Variants in BAP1 observed in about 807,000 individuals in gnomAD.
BAP1 encodes ubiquitin carboxyl-terminal hydrolase BAP1.
Under a neutral mutation model 77.2 loss-of-function variants are expected in BAP1, and 16 were observed. That is an observed-to-expected ratio of 0.21 (90% CI 0.14 to 0.31). BAP1 has a LOEUF of 0.31. Ranked by LOEUF, BAP1 falls within the 10% of genes least tolerant of loss-of-function variation. BAP1 has a pLI of 1.00. For missense variants in BAP1, 699 were observed against 967.3 expected (o/e 0.72, Z 3.68); for synonymous variants, 362 against 385.2 (o/e 0.94, Z 0.71).
chr3:52,408,168 C>A, intron 4 of BAP1, 91 bp from the exon 5 acceptor site: 1 of 1,542,702 alleles, frequency 6.5e-7, no homozygotes, highest in South Asian at 1.2e-5. Flanking sequence ...CAGAGCAGGT[C>A]AGTCATATCT....
chr3:52,404,383 C>T (rs1325003603), intron 12 of BAP1, 70 bp downstream of exon 12: 3 of 1,611,508 alleles, frequency 1.9e-6, no homozygotes, highest in Non-Finnish European at 2.5e-6. Flanking sequence ...CATTCTCAGA[C>T]ACAGACTGAG....
Position 52,403,598 on chromosome 3 carries a change from G to A in BAP1, c.1547C>T (p.Pro516Leu), listed in dbSNP as rs755719248. The change falls in exon 13 of 17, where the codon CCG becomes CTG. Residue 516 changes from proline (P) to leucine (L), a missense_variant. Physicochemically the swap from Pro to Leu is moderately conservative, Grantham distance 98. Around this residue, in one of 3 missense-constraint regions of BAP1, gnomAD observed 475 missense variants for 532.4 expected, o/e 0.89. Coordinates refer to ENST00000460680, the MANE Select transcript of BAP1 (RefSeq NM_004656.4). This position sits in a 1 kb window ranked among gnomAD's most constrained non-coding sequence, Gnocchi z 4.0. ...PLRSPIRSAN[P>L]TRPSSPVTSH... The stretch of plus-strand genomic sequence containing the variant: ...GGTGACAGGGCTGGAGGGCCGCGTC[G>A]GGTTGGCTGAGCGGATAGGCGAGCG... 28 of 1,614,052 alleles carry A rather than the reference G, an allele frequency of 1.7e-5. No individual in the cohort carries two copies. Among genetic ancestry groups the A allele is most frequent in the East Asian group, 2.2e-5 (1 of 44,900 alleles).
At chr3:52,409,414 CTCAGAGAGCAAGGCT>C in intron 3 of BAP1, 125 bp downstream of exon 3, 1 of 1,183,134 alleles carries the variant, frequency 8.5e-7, no homozygotes, top group South Asian at 1.2e-5. Context: ...GGAGCGGGCA[CTCAGAGAGCAAGGCT>C]GCTGCTTTCT....
rs2153226378 is a variant in BAP1, at chr3:52,402,923, C to T, written c.1891-52G>A. 6.2e-7 allele frequency: 1 copy of T among 1,613,034 alleles called. No homozygotes were observed. Among genetic ancestry groups the T allele is most frequent in the Non-Finnish European group, 8.5e-7 (1 of 1,180,012 alleles). On this transcript the variant is annotated intron_variant, in intron 14 of 16. Coordinates refer to ENST00000460680, the MANE Select transcript of BAP1 (RefSeq NM_004656.4). The surrounding 1 kb of genome is among the most constrained non-coding windows in gnomAD (Gnocchi z 5.3). Reference sequence around the variant, plus strand: ...GATCGGGGCGGGCCAGCAACAAAGCCCCACGAGCAATAGGCAGCTAGAGGC... The same window carrying T: ...GATCGGGGCGGGCCAGCAACAAAGCTCCACGAGCAATAGGCAGCTAGAGGC...
Position 52,407,967 on chromosome 3 carries a change from G to A in BAP1, c.366C>T (p.Phe122=), listed in dbSNP as rs17849500. ...AGGCACTGCAGCCTACCTCAGGGCTGAAACCCTTGGTGAAGTCCTTCATGC... is the reference window on the plus strand; with the variant it reads ...AGGCACTGCAGCCTACCTCAGGGCTAAAACCCTTGGTGAAGTCCTTCATGC... ...LSRMKDFTKG[F]SPESKGYAIG... Residue 122 remains phenylalanine (F), a synonymous_variant, in exon 5 of 17, where the codon TTC becomes TTT. Coordinates refer to ENST00000460680, the MANE Select transcript of BAP1 (RefSeq NM_004656.4). 6.2e-7 allele frequency: 1 copy of A among 1,613,854 alleles called. No individual in the cohort carries two copies. The highest frequency in any genetic ancestry group is 8.5e-7 in the Non-Finnish European group (1 of 1,179,994).
Position 52,406,975 on chromosome 3 carries a change from A to G in BAP1, c.581-68T>C, listed in dbSNP as rs748129020. ...GAGTTTGGGCAGGCCAGGAGTGGGA[A>G]GGAAGACAGAGAAGAGCAGTTGAGC... On this transcript the variant is annotated intron_variant, in intron 7 of 16. Coordinates refer to ENST00000460680, the MANE Select transcript of BAP1 (RefSeq NM_004656.4). This position sits in a 1 kb window ranked among gnomAD's most constrained non-coding sequence, Gnocchi z 4.6. 2.1e-5 allele frequency: 32 copies of G among 1,521,492 alleles called. No homozygotes were observed. Among genetic ancestry groups the G allele is most frequent in the Admixed American group, 3.9e-5 (2 of 51,174 alleles). 94.2% of individuals were successfully genotyped at this position (1,521,492 alleles called of 1,614,324 possible).
intron 4 of BAP1, among the ~76,000 whole-genome samples, 163 bp from the exon 5 acceptor site, chr3:52,408,240 C>T (rs868467197): frequency 7.9e-5 from 12 of 152,202 alleles, no homozygotes; most frequent in Admixed American, 2.0e-4. Context: ...TAACAAGCAC[C>T]TACCAAATAC....
chr3:52,402,480 C>T lies in BAP1; in HGVS notation c.2057-59G>A, dbSNP rs114897676. Reference sequence around the variant, plus strand: ...GGCTGCCTCAGGCCAGGAGCTGAGGCTCTCATGGCCCTCCCTGTGCCCCAA... The same window carrying T: ...GGCTGCCTCAGGCCAGGAGCTGAGGTTCTCATGGCCCTCCCTGTGCCCCAA... On this transcript the variant is annotated intron_variant, in intron 16 of 16. Transcript: ENST00000460680. The surrounding 1 kb of genome is among the most constrained non-coding windows in gnomAD (Gnocchi z 5.3). The T allele has an allele frequency of 1.9e-3, 3,004 of 1,591,040 alleles. 48 individuals carry two copies. The African/African-American group carries it at 0.037, about 19-fold the overall frequency.
In BAP1 at chr3:52,402,514, C is replaced by T. The variant is rs1704993775; in HGVS notation, c.2056+88G>A. On this transcript the variant is annotated intron_variant, in intron 16 of 16. Coordinates refer to ENST00000460680, the MANE Select transcript of BAP1 (RefSeq NM_004656.4). The surrounding 1 kb of genome is among the most constrained non-coding windows in gnomAD (Gnocchi z 5.3). ...CCCTCCCTGTGCCCCAAGGTCTGCT[C>T]AAGCCTCAGGAGAGGCCAGGGGAGG... 3.1e-6 allele frequency: 5 copies of T among 1,609,522 alleles called. No individual in the cohort carries two copies. Among genetic ancestry groups the T allele is most frequent in the Non-Finnish European group, 4.2e-6 (5 of 1,177,788 alleles).
rs866819752 is a variant in BAP1, at chr3:52,406,166, C to T, written c.783+87G>A. On this transcript the variant is annotated intron_variant, in intron 9 of 16. Transcript: ENST00000460680. The surrounding 1 kb of genome is among the most constrained non-coding windows in gnomAD (Gnocchi z 4.6). ...CCAGATCTACAAGAGAGTATGTTCACGAATCAGAGACAAATGCTGTGGGGG... is the reference window on the plus strand; with the variant it reads ...CCAGATCTACAAGAGAGTATGTTCATGAATCAGAGACAAATGCTGTGGGGG... 3.8e-5 allele frequency: 61 copies of T among 1,604,722 alleles called. No individual in the cohort carries two copies. The highest frequency in any genetic ancestry group is 1.5e-4 in the African/African-American group (11 of 74,662).
chr3:52,408,080 G>A lies in BAP1; in HGVS notation c.256-3C>T, dbSNP rs752536342. 9.4e-6 allele frequency: 15 copies of A among 1,602,196 alleles called. No homozygotes were observed. Among genetic ancestry groups the A allele is most frequent in the Non-Finnish European group, 1.3e-5 (15 of 1,173,556 alleles). On this transcript the variant is annotated splice_polypyrimidine_tract_variant and splice_region_variant and intron_variant, in intron 4 of 16. Coordinates refer to ENST00000460680, the MANE Select transcript of BAP1 (RefSeq NM_004656.4). ...GTTGCACAAGAGTTGGGTATCAGCT[G>A]TGAAACCAAGAATAGTCACCCATAC... is the stretch of plus-strand genomic sequence containing the variant.
At position 52,409,988 on chromosome 3, in the gene BAP1, A is replaced by G; in HGVS notation, c.-110T>C. The G allele has an allele frequency of 1.3e-6, 2 of 1,481,988 alleles. No homozygotes were observed. The highest frequency in any genetic ancestry group is 1.8e-6 in the Non-Finnish European group (2 of 1,100,930). The allele number at this position is 1,481,988 out of a possible 1,614,324, so 91.8% of individuals were successfully genotyped here. A position where few individuals can be genotyped will look rare whatever the true frequency, so the allele number is the denominator to read the frequency against. On this transcript the variant is annotated 5_prime_UTR_variant, in exon 1 of 17. Coordinates refer to ENST00000460680, the MANE Select transcript of BAP1 (RefSeq NM_004656.4). ...GGCCCCTCAGTCCCACACACAGACAACGGGCCCAGTCGCGTCACCCGCCCG... is the reference window on the plus strand; with the variant it reads ...GGCCCCTCAGTCCCACACACAGACAGCGGGCCCAGTCGCGTCACCCGCCCG...
In BAP1 at chr3:52,403,203, T is replaced by C. The variant is rs1313950203; in HGVS notation, c.1825A>G (p.Ser609Gly). The C allele has an allele frequency of 2.5e-6, 4 of 1,614,212 alleles. No individual in the cohort carries two copies. In the East Asian group the frequency reaches 8.9e-5, roughly 36 times the overall value. Residue 609 changes from serine to glycine, a missense_variant, in exon 14 of 17, where the codon AGC becomes GGC. Ser to Gly is a moderately conservative substitution (Grantham distance 56). This residue lies in a region of BAP1 where 475 missense variants were observed against 532.4 expected (regional missense o/e 0.89). Coordinates refer to ENST00000460680, the MANE Select transcript of BAP1 (RefSeq NM_004656.4). The surrounding 1 kb of genome is among the most constrained non-coding windows in gnomAD (Gnocchi z 4.0). ...CTCACCATCCCCGTCTTCTCTCTGC[T>C]GTCCGTGGCTTCCACGACCTCCTTC... ...VEKEVVEATD[S>G]REKTGMVRPG...
chr3:52,403,621 G>C lies in BAP1; in HGVS notation c.1524C>G (p.Arg508=), dbSNP rs1312229380. ...EIGSAFNSPL[R]SPIRSANPTR... is the part of the protein sequence containing the mutation. ...TCGGGTTGGCTGAGCGGATAGGCGA[G>C]CGCAGTGGCGAGTTGAAAGCACTGC... Residue 508 remains arginine (R), a synonymous_variant, in exon 13 of 17, where the codon CGC becomes CGG. Transcript: ENST00000460680. The surrounding 1 kb of genome is among the most constrained non-coding windows in gnomAD (Gnocchi z 4.0). The C allele has an allele frequency of 6.2e-7, 1 of 1,614,126 alleles. No homozygotes were observed. The highest frequency in any genetic ancestry group is 8.5e-7 in the Non-Finnish European group (1 of 1,179,994).
chr3:52,403,129 G>A lies in BAP1; in HGVS notation c.1890+9C>T, dbSNP rs1553644699. The A allele has an allele frequency of 6.2e-7, 1 of 1,612,520 alleles. No individual in the cohort carries two copies. Among genetic ancestry groups the A allele is most frequent in the Non-Finnish European group, 8.5e-7 (1 of 1,179,998 alleles). On this transcript the variant is annotated intron_variant, in intron 14 of 16. Coordinates refer to ENST00000460680, the MANE Select transcript of BAP1 (RefSeq NM_004656.4). The surrounding 1 kb of genome is among the most constrained non-coding windows in gnomAD (Gnocchi z 4.0). ...AGGATTAAAGGAGAAAACCACAACGGAGGCTCACCTTGGGTGAGTATTTCT... is the reference window on the plus strand; with the variant it reads ...AGGATTAAAGGAGAAAACCACAACGAAGGCTCACCTTGGGTGAGTATTTCT...
rs1705320930 is a variant in BAP1, at chr3:52,409,893, G to A, written c.-15C>T. 1.2e-6 allele frequency: 2 copies of A among 1,604,742 alleles called. No homozygotes were observed. Among genetic ancestry groups the A allele is most frequent in the African/African-American group, 1.3e-5 (1 of 74,992 alleles). On this transcript the variant is annotated 5_prime_UTR_variant, in exon 1 of 17. Transcript: ENST00000460680. ...CCCTTATTCATCTTCCCGCGGGGCG[G>A]CCCCTCAGCGCCATGTCCAGGCCCT...
chr3:52,402,256 A>G lies in BAP1; in HGVS notation c.*32T>C, dbSNP rs779640381. ...GGACCCTGGTGAGGGCCACACGGCA[A>G]GAGTGGGCTGCAGAGTCAGGGCCAG... is the stretch of plus-strand genomic sequence containing the variant. On this transcript the variant is annotated 3_prime_UTR_variant, in exon 17 of 17. Coordinates refer to ENST00000460680, the MANE Select transcript of BAP1 (RefSeq NM_004656.4). This position sits in a 1 kb window ranked among gnomAD's most constrained non-coding sequence, Gnocchi z 5.3. The G allele has an allele frequency of 2.5e-6, 4 of 1,596,888 alleles. No individual in the cohort carries two copies. In the South Asian group the frequency reaches 4.6e-5, roughly 18 times the overall value.
intron 4 of BAP1, 88 bp downstream of exon 4, chr3:52,408,383 ATCT>A: frequency 1.3e-6 from 2 of 1,541,254 alleles, no homozygotes; most frequent in South Asian, 2.4e-5. Flanking sequence ...GAATCTGCCT[ATCT>A]CCTCCTCCTG....
At position 52,406,758 on chromosome 3, in the gene BAP1, G is replaced by A. The variant is rs1016396308; in HGVS notation, c.659+71C>T. 1 of 1,486,020 alleles carries A rather than the reference G, an allele frequency of 6.7e-7. No homozygotes were observed. The highest frequency in any genetic ancestry group is 9.2e-7 in the Non-Finnish European group (1 of 1,087,774). 92.1% of individuals were successfully genotyped at this position (1,486,020 alleles called of 1,614,324 possible). A position where few individuals can be genotyped will look rare whatever the true frequency, so the allele number is the denominator to read the frequency against. The stretch of plus-strand genomic sequence containing the variant: ...TGGCCTTGCAATTTACAAATCACCT[G>A]GATACTCTCTGTCCCTCCCAAAGTA... On this transcript the variant is annotated intron_variant, in intron 8 of 16. Coordinates refer to ENST00000460680, the MANE Select transcript of BAP1 (RefSeq NM_004656.4). The surrounding 1 kb of genome is among the most constrained non-coding windows in gnomAD (Gnocchi z 4.6).
Sources: gnomAD v4.1 joint callset for allele counts (sites outside exome capture counted in the v4.1 genomes callset) on GRCh38, gnomAD v4.1.1 for gene constraint, gnomAD v4.1.1 regional missense constraint, Gnocchi (gnomAD v3.1) non-coding constraint, MANE v1.5 for transcripts, NCBI Gene and HGNC (gene_info 2026-07-23, HGNC 2026-07-21) for gene names.